The following PRKDC variants were observed in gnomAD, a reference collection of about 807,000 sequenced individuals.
PRKDC encodes DNA-dependent protein kinase catalytic subunit.
A neutral mutation model predicts 486.9 loss-of-function variants in PRKDC; 82 were observed. That is an observed-to-expected ratio of 0.17 (90% CI 0.14 to 0.20). The LOEUF is 0.20. Ranked by LOEUF, PRKDC falls within the 10% of genes least tolerant of loss-of-function variation. The probability of loss-of-function intolerance (pLI) is 1.00; values close to 1 mark genes in which losing one functional copy is unlikely to be tolerated. For synonymous variants in PRKDC, 1,895 were observed against 1,837.0 expected (o/e 1.03, Z -0.81); for missense variants, 4,504 against 5,038.2 (o/e 0.89, Z 3.21).
Position 47,932,373 on chromosome 8 carries a change from G to A in PRKDC, c.1776+647C>T, listed in dbSNP as rs191847078. Among the ~76,000 whole-genome samples, 442 of 151,784 alleles carry A rather than the reference G, an allele frequency of 2.9e-3. 3 individuals carry two copies. Among genetic ancestry groups the A allele is most frequent in the African/African-American group, 0.01 (428 of 41,356 alleles). On this transcript the variant is annotated intron_variant, in intron 16 of 85. Transcript: ENST00000314191. ...GCTGGGATTACAGGCATGAGCCACC[G>A]CGCCTGGCCTTTTTTTGTATTTTTT...
In PRKDC at chr8:47,935,857, A is replaced by C; in HGVS notation, c.1322T>G (p.Met441Arg). The C allele has an allele frequency of 3.1e-6, 5 of 1,614,010 alleles. No homozygotes were observed. Among genetic ancestry groups the C allele is most frequent in the Non-Finnish European group, 4.2e-6 (5 of 1,179,872 alleles). Reference sequence around the variant, plus strand: ...GTACTGTGGGAAACTGTCTATCTGCATCACCACGAGGTGCTCCAGAACTGG... The same window carrying C: ...GTACTGTGGGAAACTGTCTATCTGCCTCACCACGAGGTGCTCCAGAACTGG... Reference protein sequence around the residue: ...YTPVLEHLVVMQIDSFPQYSP... With the variant: ...YTPVLEHLVVRQIDSFPQYSP... The change falls in exon 13 of 86, where the codon ATG becomes AGG. Residue 441 changes from methionine (M) to arginine (R), a missense_variant. By Grantham distance (91) the Met-to-Arg change is moderately conservative. This residue lies in a region of PRKDC where 1,969 missense variants were observed against 2,068.9 expected (regional missense o/e 0.95). Coordinates refer to ENST00000314191, the MANE Select transcript of PRKDC (RefSeq NM_006904.7).
intron 10 of PRKDC, among the ~76,000 whole-genome samples, chr8:47,941,813 A>G (rs370421777): frequency 1.3e-5 from 2 of 152,370 alleles, no homozygotes; most frequent in South Asian, 2.1e-4. Flanking sequence ...CTTTCTCACG[A>G]GGTAGAGATT....
Position 47,828,355 on chromosome 8 carries a change from A to T in PRKDC, c.8398-8T>A. 6.5e-7 allele frequency: 1 copy of T among 1,544,652 alleles called. No individual in the cohort carries two copies. The highest frequency in any genetic ancestry group is 8.7e-7 in the Non-Finnish European group (1 of 1,148,454). On this transcript the variant is annotated splice_region_variant and splice_polypyrimidine_tract_variant and intron_variant, in intron 61 of 85. Transcript: ENST00000314191. ...TGCAATTATTGGGTCCCTCTGTAAA[A>T]AATTCAAAACAAAGACAAATTAGGA...
chr8:47,954,561 A>G, intron 4 of PRKDC, 115 bp from the exon 5 acceptor site: 1 of 412,410 alleles, frequency 2.4e-6, no homozygotes, highest in Non-Finnish European at 4.4e-6. Context: ...ATCTCAGTGC[A>G]TCTGTCCACA....
At chr8:47,790,170 T>G (rs1421510627) in intron 74 of PRKDC, among the ~76,000 whole-genome samples, 1 of 152,108 alleles carries the variant, frequency 6.6e-6, no homozygotes, top group Non-Finnish European at 1.5e-5. Flanking sequence ...ACCTAAAGAC[T>G]CCACCACAAA....
intron 40 of PRKDC, among the ~76,000 whole-genome samples, chr8:47,871,027 T>C (rs189644158): frequency 6.6e-6 from 1 of 151,886 alleles, no homozygotes; most frequent in Non-Finnish European, 1.5e-5. Context: ...TATTTGAAAA[T>C]ACACAGAGGG....
In PRKDC at chr8:47,773,871, C is replaced by T. The variant is rs765419695; in HGVS notation, c.*302G>A. ...ACAGCTGTTTCACTAACTTGCAGCA[C>T]TTGTAAATGCTTTGAAAGCTGATCA... On this transcript the variant is annotated 3_prime_UTR_variant, in exon 86 of 86. Coordinates refer to ENST00000314191, the MANE Select transcript of PRKDC (RefSeq NM_006904.7). 9 of 274,352 alleles carry T rather than the reference C, an allele frequency of 3.3e-5. No homozygotes were observed. The highest frequency in any genetic ancestry group is 4.8e-5 in the Non-Finnish European group (7 of 145,638). 17.0% of individuals were successfully genotyped at this position (274,352 alleles called of 1,614,324 possible).
Position 47,858,537 on chromosome 8 carries a change from C to T in PRKDC, c.6444G>A (p.Lys2148=). 6.6e-7 allele frequency: 1 copy of T among 1,523,096 alleles called. No individual in the cohort carries two copies. Among genetic ancestry groups the T allele is most frequent in the Non-Finnish European group, 8.9e-7 (1 of 1,124,254 alleles). 94.3% of individuals were successfully genotyped at this position (1,523,096 alleles called of 1,614,324 possible). The change falls in exon 48 of 86, where the codon AAG becomes AAA. Residue 2148 remains lysine, a synonymous_variant. Transcript: ENST00000314191. Reference sequence around the variant, plus strand: ...TTACCTCTTCTGTATTAATAACAAGCTTGGCTAAGAAGAGACGGATATTTA... The same window carrying T: ...TTACCTCTTCTGTATTAATAACAAGTTTGGCTAAGAAGAGACGGATATTTA... ...VPLNIRLFLA[K]LVINTEEVFR...
intron 60 of PRKDC, among the ~76,000 whole-genome samples, chr8:47,831,315 G>T (rs542078808): frequency 6.6e-6 from 1 of 152,352 alleles, no homozygotes; most frequent in Non-Finnish European, 1.5e-5. Context: ...CGCTGAACTG[G>T]AGCACCGCGA....
chr8:47,918,168 T>G, intron 22 of PRKDC, 109 bp downstream of exon 22: 1 of 722,782 alleles, frequency 1.4e-6, no homozygotes, highest in South Asian at 2.6e-5. Context: ...GTACTCTACT[T>G]TGTATACAAA....
rs2382636 is a variant in PRKDC at position 47,904,533 on chromosome 8, G to C, written c.3042+336C>G. 0.028 allele frequency among the ~76,000 whole-genome samples: 4,254 copies of C among 152,298 alleles called. 87 individuals carry two copies. The highest frequency in any genetic ancestry group is 0.041 in the Non-Finnish European group (2,778 of 68,022). On this transcript the variant is annotated intron_variant, in intron 26 of 85. Coordinates refer to ENST00000314191, the MANE Select transcript of PRKDC (RefSeq NM_006904.7). The stretch of plus-strand genomic sequence containing the variant: ...CCTCCCAAAGTGTTGGATTACAGGC[G>C]TGAGCCACTGTGCCTGGCTCACTGC...
At position 47,831,895 on chromosome 8, in the gene PRKDC, C is replaced by T; in HGVS notation, c.8184G>A (p.Leu2728=). 6.2e-7 allele frequency: 1 copy of T among 1,613,988 alleles called. No individual in the cohort carries two copies. Among genetic ancestry groups the T allele is most frequent in the Non-Finnish European group, 8.5e-7 (1 of 1,179,858 alleles). ...CCTGGTCCCTCATAAACCGTCTGCG[C>T]AGTCGTAGTAGGTCCGTCCGGCCGG... ...GAAGRTDLLR[L]RRRFMRDQEK... The change falls in exon 60 of 86, where the codon CTG becomes CTA. Residue 2728 remains leucine, a synonymous_variant. Coordinates refer to ENST00000314191, the MANE Select transcript of PRKDC (RefSeq NM_006904.7).
chr8:47,842,538 C>T (rs532944860), intron 54 of PRKDC, among the ~76,000 whole-genome samples: 1 of 152,026 alleles, frequency 6.6e-6, no homozygotes, highest in Admixed American at 6.6e-5. Context: ...ACTCAGCATA[C>T]ACCACAGTCA....
intron 4 of PRKDC, 35 bp from the exon 5 acceptor site, chr8:47,954,481 C>A: frequency 4.9e-6 from 4 of 819,998 alleles, no homozygotes; most frequent in Middle Eastern, 2.5e-4. Context: ...CAATGTAGTG[C>A]GGGAATCAAG....
intron 54 of PRKDC, among the ~76,000 whole-genome samples, chr8:47,845,200 C>T (rs921722692): frequency 5.9e-5 from 9 of 152,062 alleles, no homozygotes; most frequent in African/African-American, 2.2e-4. Context: ...CCAGCCTGGG[C>T]AACACGGTGA....
chr8:47,807,343 G>C lies in PRKDC; in HGVS notation c.9558-17C>G. 2.6e-6 allele frequency: 4 copies of C among 1,521,850 alleles called. No homozygotes were observed. Among genetic ancestry groups the C allele is most frequent in the Non-Finnish European group, 3.5e-6 (4 of 1,133,028 alleles). 94.3% of individuals were successfully genotyped at this position (1,521,850 alleles called of 1,614,324 possible). A position where few individuals can be genotyped will look rare whatever the true frequency, so the allele number is the denominator to read the frequency against. On this transcript the variant is annotated splice_polypyrimidine_tract_variant and intron_variant, in intron 68 of 85. Transcript: ENST00000314191. ...AAGAAACATCTACACAAAGAAAAATGAGACAATGTCACAGACTCAGGAATA... is the reference window on the plus strand; with the variant it reads ...AAGAAACATCTACACAAAGAAAAATCAGACAATGTCACAGACTCAGGAATA...
intron 44 of PRKDC, 124 bp downstream of exon 44, chr8:47,861,938 A>G: frequency 5.5e-6 from 4 of 725,206 alleles, no homozygotes; most frequent in Non-Finnish European, 9.0e-6. Context: ...TATAGAAACC[A>G]CATGAAACCA....
At chr8:47,851,444 A>C (rs1349576374) in intron 52 of PRKDC, among the ~76,000 whole-genome samples, 1 of 152,234 alleles carries the variant, frequency 6.6e-6, no homozygotes, top group Non-Finnish European at 1.5e-5. Flanking sequence ...CAAAGGGGTC[A>C]TCTTAATTTT....
chr8:47,824,944 A>G lies in PRKDC; in HGVS notation c.8784-948T>C, dbSNP rs559634369. Among the ~76,000 whole-genome samples, 3 of 152,278 alleles carry G rather than the reference A, an allele frequency of 2.0e-5. No individual in the cohort carries two copies. In the East Asian group the frequency reaches 5.8e-4, roughly 29 times the overall value. On this transcript the variant is annotated intron_variant, in intron 63 of 85. Coordinates refer to ENST00000314191, the MANE Select transcript of PRKDC (RefSeq NM_006904.7). ...GTACTAAGCCTCTTGCATTTACATC[A>G]AAAGAGCCCTACAGGTTCTCTCCTA... is the stretch of plus-strand genomic sequence containing the variant.
Sources: gnomAD v4.1 joint callset for allele counts (sites outside exome capture counted in the v4.1 genomes callset) on GRCh38, gnomAD v4.1.1 for gene constraint, gnomAD v4.1.1 regional missense constraint, MANE v1.5 for transcripts, NCBI Gene and HGNC (gene_info 2026-07-23, HGNC 2026-07-21) for gene names.